Variants in GRK4 observed in about 807,000 individuals in gnomAD.
GRK4 encodes G protein-coupled receptor kinase 4.
A neutral mutation model predicts 77.9 loss-of-function variants in GRK4; 73 were observed. The ratio of observed to expected loss-of-function variants is 0.94; its 90% CI spans 0.78 to 1.14. GRK4 has a LOEUF of 1.14. GRK4 is among the 50% of genes most tolerant of loss of function. The pLI is 0.00. For missense variants in GRK4, 729 were observed against 700.2 expected (o/e 1.04, Z -0.46); for synonymous variants, 257 against 254.4 (o/e 1.01, Z -0.10).
In GRK4 at chr4:3,013,756, A is replaced by T. The variant is rs1171897666; in HGVS notation, c.669A>T (p.Ile223=). Residue 223 remains isoleucine (I), a synonymous_variant, in exon 8 of 16, where the codon ATA becomes ATT. Transcript: ENST00000398052. ...YACKKLQKKR[I]KKRKGEAMAL... ...GCAAAAAGCTACAAAAAAAAAGAAT[A>T]AAGAAGAGGAAAGGTGAAGCTATGG... The T allele has an allele frequency of 6.2e-7, 1 of 1,613,738 alleles. No individual in the cohort carries two copies. Among genetic ancestry groups the T allele is most frequent in the South Asian group, 1.1e-5 (1 of 90,906 alleles).
chr4:3,006,394 AAG>A (rs924487107), intron 5 of GRK4, among the ~76,000 whole-genome samples: 3 of 151,986 alleles, frequency 2.0e-5, no homozygotes, highest in African/African-American at 7.3e-5. Flanking sequence ...AAAAAAAAAA[AAG>A]AGATTTTCAA....
chr4:2,980,019 T>C (rs551351370), intron 1 of GRK4, among the ~76,000 whole-genome samples: 1 of 152,334 alleles, frequency 6.6e-6, no homozygotes, highest in East Asian at 1.9e-4. Flanking sequence ...TAATGGTTCT[T>C]ATCTCAGACA....
chr4:3,013,528 G>A (rs1029789894), intron 7 of GRK4, among the ~76,000 whole-genome samples, 160 bp from the exon 8 acceptor site: 1 of 152,116 alleles, frequency 6.6e-6, no homozygotes, highest in Non-Finnish European at 1.5e-5. Context: ...GGGAGGAGCC[G>A]ACTCACACTG....
intron 8 of GRK4, among the ~76,000 whole-genome samples, chr4:3,015,045 A>G (rs1232503278): frequency 1.3e-5 from 2 of 152,094 alleles, no homozygotes; most frequent in Non-Finnish European, 2.9e-5. Context: ...GCATATCCCA[A>G]TTGTATGAAG....
At chr4:2,965,465 T>C (rs938679319) in intron 1 of GRK4, 1 of 702,904 alleles carries the variant, frequency 1.4e-6, no homozygotes, top group African/African-American at 1.7e-5. Context: ...TTTCCTTGCG[T>C]GATGGAGCAG....
At chr4:3,036,957 C>T (rs762322699) in intron 13 of GRK4, among the ~76,000 whole-genome samples, 8 of 152,148 alleles carry the variant, frequency 5.3e-5, no homozygotes, top group Non-Finnish European at 7.3e-5. Context: ...TCTTCCAATA[C>T]GTGCAGTCCA....
intron 4 of GRK4, among the ~76,000 whole-genome samples, chr4:3,003,497 G>A (rs905610288): frequency 7.2e-5 from 11 of 151,748 alleles, no homozygotes; most frequent in South Asian, 2.1e-4. Flanking sequence ...GCCGTGACTG[G>A]CTTATTTCAT....
At chr4:3,010,659 A>G (rs374668427) in intron 7 of GRK4, among the ~76,000 whole-genome samples, 1 of 152,326 alleles carries the variant, frequency 6.6e-6, no homozygotes, top group South Asian at 2.1e-4. Context: ...GAGTGATCAT[A>G]TGGAGTTCAA....
intron 9 of GRK4, 80 bp downstream of exon 9, chr4:3,019,911 G>A: frequency 7.4e-7 from 1 of 1,355,262 alleles, no homozygotes; most frequent in Non-Finnish European, 1.0e-6. Context: ...GGTTCACACT[G>A]GCTGCTTCCA....
rs149102941 is a variant in GRK4 at position 2,974,463 on chromosome 4, C to T, written c.53-10050C>T. Among the ~76,000 whole-genome samples the T allele has an allele frequency of 2.1e-3, 318 of 152,306 alleles. 2 individuals carry two copies. The highest frequency in any genetic ancestry group is 7.0e-3 in the African/African-American group (292 of 41,560). On this transcript the variant is annotated intron_variant, in intron 1 of 15. Transcript: ENST00000398052. The stretch of plus-strand genomic sequence containing the variant: ...TGCCCTCTTTATACTATCTCAACGA[C>T]GGTGTCAGTTACTTCAGTTTCACTC...
chr4:2,978,861 G>A (rs1164051379), intron 1 of GRK4, among the ~76,000 whole-genome samples: 3 of 152,170 alleles, frequency 2.0e-5, no homozygotes, highest in South Asian at 2.1e-4. Context: ...GGGAGGCCGA[G>A]GTGGGCGGAT....
In GRK4 at chr4:3,013,752, G is replaced by A; in HGVS notation, c.665G>A (p.Arg222Lys). The A allele has an allele frequency of 6.2e-7, 1 of 1,613,136 alleles. No homozygotes were observed. Among genetic ancestry groups the A allele is most frequent in the Middle Eastern group, 1.6e-4 (1 of 6,062 alleles). The change falls in exon 8 of 16, where the codon AGA (arginine) becomes AAA (lysine). Residue 222 changes from arginine to lysine, a missense_variant. Physicochemically the swap from Arg to Lys is conservative, Grantham distance 26. Coordinates refer to ENST00000398052, the MANE Select transcript of GRK4 (RefSeq NM_182982.3). ...MYACKKLQKK[R>K]IKKRKGEAMA... ...GCCTGCAAAAAGCTACAAAAAAAAAGAATAAAGAAGAGGAAAGGTGAAGCT... is the reference window on the plus strand; with the variant it reads ...GCCTGCAAAAAGCTACAAAAAAAAAAAATAAAGAAGAGGAAAGGTGAAGCT...
Position 3,009,851 on chromosome 4 carries a change from C to G in GRK4, c.600+140C>G. The G allele has an allele frequency of 3.7e-6, 2 of 543,524 alleles. No homozygotes were observed. The allele number at this position is 543,524 out of a possible 1,614,324, so 33.7% of individuals were successfully genotyped here. On this transcript the variant is annotated intron_variant, in intron 7 of 15. Coordinates refer to ENST00000398052, the MANE Select transcript of GRK4 (RefSeq NM_182982.3). Reference sequence around the variant, plus strand: ...GTGTTTTGGGAATAATCTTTGCCAACTGTGAGAATCCACATGGAATTTTGA... The same window carrying G: ...GTGTTTTGGGAATAATCTTTGCCAAGTGTGAGAATCCACATGGAATTTTGA...
chr4:3,000,145 A>T (rs2995804), intron 4 of GRK4, among the ~76,000 whole-genome samples: 59,918 of 151,874 alleles, frequency 0.39, 12,794 homozygotes, highest in African/African-American at 0.55. Flanking sequence ...ACAATGATTG[A>T]TCCTTAATGT....
chr4:3,009,118 T>G (rs1323109761), intron 6 of GRK4, among the ~76,000 whole-genome samples: 1 of 152,104 alleles, frequency 6.6e-6, no homozygotes, highest in African/African-American at 2.4e-5. Context: ...TGCTTCAGTG[T>G]CTTAAATATT....
At chr4:3,014,805 G>A (rs78012039) in intron 8 of GRK4, among the ~76,000 whole-genome samples, 46 of 151,984 alleles carry the variant, frequency 3.0e-4, no homozygotes, top group African/African-American at 1.1e-3. Flanking sequence ...TCAAAAAAAA[G>A]AGAGAGAGAT....
At chr4:3,011,116 T>A (rs1230088656) in intron 7 of GRK4, among the ~76,000 whole-genome samples, 2 of 152,198 alleles carry the variant, frequency 1.3e-5, no homozygotes, top group Non-Finnish European at 2.9e-5. Context: ...CCTTTAATGA[T>A]CTGCAAATGT....
intron 11 of GRK4, 106 bp from the exon 12 acceptor site, chr4:3,029,095 G>A (rs891893644): frequency 1.5e-5 from 13 of 846,466 alleles, no homozygotes; most frequent in African/African-American, 8.5e-5. Flanking sequence ...TTTAAGGTTC[G>A]TCCATGTTGT....
chr4:3,015,542 G>T (rs775933431), intron 8 of GRK4, among the ~76,000 whole-genome samples: 1 of 152,034 alleles, frequency 6.6e-6, no homozygotes, highest in Non-Finnish European at 1.5e-5. Context: ...AGGCGTGGTG[G>T]CAGGCGCCTG....
Sources: allele counts gnomAD v4.1 joint callset (sites outside exome capture counted in the v4.1 genomes callset), GRCh38; gene constraint gnomAD v4.1.1; transcripts MANE v1.5; gene names NCBI Gene and HGNC (gene_info 2026-07-23, HGNC 2026-07-21).